The following PRAG1 variants were observed in gnomAD, a reference collection of about 807,000 sequenced individuals.
PRAG1 encodes PEAK1 related, kinase-activating pseudokinase 1.
PRAG1 carries 110 observed loss-of-function variants against 95.6 expected under a neutral mutation model. The observed-to-expected ratio is 1.15, with a 90% confidence interval of 0.99 to 1.35. The LOEUF is 1.35. PRAG1 is among the 40% of genes most tolerant of loss of function. The pLI, the probability that PRAG1 is intolerant of heterozygous loss-of-function variation, is 0.00. For synonymous variants in PRAG1, 1,052 were observed against 819.4 expected, an observed-to-expected ratio of 1.28 and a Z score of -4.85; for missense variants, 2,554 against 1,864.7, an observed-to-expected ratio of 1.37 and a Z score of -6.81.
intron 3 of PRAG1, among the ~76,000 whole-genome samples, chr8:8,356,887 G>A (rs892831187): frequency 6.6e-6 from 1 of 152,020 alleles, no homozygotes; most frequent in African/African-American, 2.4e-5. Flanking sequence ...TCATGTATAC[G>A]GTCAAATGAT....
intron 3 of PRAG1, among the ~76,000 whole-genome samples, chr8:8,347,857 C>A (rs1394910492): frequency 1.3e-5 from 2 of 148,588 alleles, no homozygotes; most frequent in Non-Finnish European, 2.9e-5. Flanking sequence ...CACTCTGTCA[C>A]CCAGGCTGGA....
intron 3 of PRAG1, among the ~76,000 whole-genome samples, chr8:8,365,892 A>ATCTCTTGAT (rs1799986959): frequency 6.6e-6 from 1 of 151,952 alleles, no homozygotes; most frequent in African/African-American, 2.4e-5. Flanking sequence ...AGGCAGGAGA[A>ATCTCTTGAT]TCTCTTGAAC....
chr8:8,377,959 A>G lies in PRAG1; in HGVS notation c.450T>C (p.Asp150=), dbSNP rs368262614. 181 of 1,613,726 alleles carry G rather than the reference A, an allele frequency of 1.1e-4. No individual in the cohort carries two copies. Among genetic ancestry groups the G allele is most frequent in the Non-Finnish European group, 1.4e-4 (164 of 1,179,958 alleles). ...AAGCTGGGGGACAGCGAGAATTGCC[A>G]TCAGGGGAGGTAGAGGGACCAGCAG... ...QKPAGPSTSP[D]GNSRCPPAYT... Residue 150 remains aspartate (D), a synonymous_variant, in exon 3 of 6, where the codon GAT becomes GAC. Transcript: ENST00000615670.
At chr8:8,342,727 G>A (rs1183600940) in intron 3 of PRAG1, among the ~76,000 whole-genome samples, 1 of 152,048 alleles carries the variant, frequency 6.6e-6, no homozygotes, top group Admixed American at 6.6e-5. Context: ...AAGAAAAAAA[G>A]AAAGTAGAGC....
At chr8:8,340,585 T>A (rs1021759823) in intron 3 of PRAG1, among the ~76,000 whole-genome samples, 2 of 152,278 alleles carry the variant, frequency 1.3e-5, no homozygotes, top group Admixed American at 1.3e-4. Context: ...ATGGGAAATA[T>A]ACAGTACAGT....
intron 2 of PRAG1, among the ~76,000 whole-genome samples, chr8:8,380,047 G>A (rs2116945259): frequency 6.6e-6 from 1 of 150,880 alleles, no homozygotes; most frequent in South Asian, 2.1e-4. Flanking sequence ...TTGAGACCAG[G>A]AACTTAAGAC....
chr8:8,318,943 C>G lies in PRAG1; in HGVS notation c.3432G>C (p.Arg1144=), dbSNP rs1435510926. 39 of 1,612,386 alleles carry G rather than the reference C, an allele frequency of 2.4e-5. No individual in the cohort carries two copies. The highest frequency in any genetic ancestry group is 3.3e-5 in the Non-Finnish European group (39 of 1,179,558). ...EHLKEHGIIH[R]DLCLENLLLV... is the part of the protein sequence containing the mutation. ...GCAGCAGGTTCTCCAGGCACAGGTC[C>G]CGGTGGATGATCCCGTGCTCCTTCA... Residue 1144 remains arginine, a synonymous_variant, in exon 6 of 6, where the codon CGG becomes CGC. Coordinates refer to ENST00000615670, the MANE Select transcript of PRAG1 (RefSeq NM_001080826.3). The surrounding 1 kb of genome is among the most constrained non-coding windows in gnomAD (Gnocchi z 4.2).
intron 3 of PRAG1, among the ~76,000 whole-genome samples, chr8:8,364,667 G>GT (rs1022913227): frequency 2.1e-3 from 293 of 141,970 alleles, no homozygotes; most frequent in Middle Eastern, 0.017. Context: ...TTTCAATGTT[G>GT]TTTTTTTTTT....
At chr8:8,369,768 A>G (rs896166772) in intron 3 of PRAG1, among the ~76,000 whole-genome samples, 18 of 151,604 alleles carry the variant, frequency 1.2e-4, no homozygotes, top group African/African-American at 4.4e-4. Context: ...GACACAGTTA[A>G]GGGAGAGGAC....
At position 8,318,149 on chromosome 8, in the gene PRAG1, T is replaced by C; in HGVS notation, c.*5A>G. On this transcript the variant is annotated 3_prime_UTR_variant, in exon 6 of 6. Transcript: ENST00000615670. This position sits in a 1 kb window ranked among gnomAD's most constrained non-coding sequence, Gnocchi z 4.2. ...GGGCAGCGACGGTGCAGGCTGGGGC[T>C]TGGCTCACAGAAGCTGCAGGAGCTT... 6.2e-7 allele frequency: 1 copy of C among 1,609,564 alleles called. No individual in the cohort carries two copies. Among genetic ancestry groups the C allele is most frequent in the Non-Finnish European group, 8.5e-7 (1 of 1,177,674 alleles).
intron 4 of PRAG1, among the ~76,000 whole-genome samples, chr8:8,339,077 TACATGC>T (rs1799081731): frequency 6.6e-6 from 1 of 151,816 alleles, no homozygotes; most frequent in East Asian, 1.9e-4. Context: ...TACATGTGGG[TACATGC>T]ACATGTAGAT....
At chr8:8,347,942 C>G (rs1563240116) in intron 3 of PRAG1, among the ~76,000 whole-genome samples, 2 of 151,692 alleles carry the variant, frequency 1.3e-5, no homozygotes, top group East Asian at 3.9e-4. Flanking sequence ...TCTCAGCTCA[C>G]TACAACCTCT....
chr8:8,382,918 G>C (rs545059009), intron 1 of PRAG1, among the ~76,000 whole-genome samples: 5 of 152,338 alleles, frequency 3.3e-5, no homozygotes, highest in African/African-American at 7.2e-5. Context: ...CCTCCCTGCA[G>C]TGGTGATTTG....
chr8:8,334,983 A>G (rs569725398), intron 4 of PRAG1, among the ~76,000 whole-genome samples: 1 of 151,800 alleles, frequency 6.6e-6, no homozygotes, highest in Non-Finnish European at 1.5e-5. Context: ...AGGCAGGAGA[A>G]TTGTTTGAAC....
intron 3 of PRAG1, among the ~76,000 whole-genome samples, chr8:8,347,817 CT>C (rs34740023): frequency 0.034 from 5,011 of 145,908 alleles, 343 homozygotes; most frequent in African/African-American, 0.12. Flanking sequence ...CAATTCACAT[CT>C]TTTTTTTTTA....
At chr8:8,331,033 G>A (rs189260018) in intron 4 of PRAG1, among the ~76,000 whole-genome samples, 395 of 152,244 alleles carry the variant, frequency 2.6e-3, no homozygotes, top group African/African-American at 8.8e-3. Context: ...CCAGCGAGGC[G>A]TCTGATTCTC....
At position 8,318,905 on chromosome 8, in the gene PRAG1, G is replaced by A; in HGVS notation, c.3470C>T (p.Thr1157Ile). 2.5e-6 allele frequency: 4 copies of A among 1,602,258 alleles called. No individual in the cohort carries two copies. The highest frequency in any genetic ancestry group is 3.4e-6 in the Non-Finnish European group (4 of 1,174,792). Residue 1157 changes from threonine to isoleucine, a missense_variant, in exon 6 of 6, where the codon ACC becomes ATC. By Grantham distance (89) the Thr-to-Ile change is moderately conservative. Coordinates refer to ENST00000615670, the MANE Select transcript of PRAG1 (RefSeq NM_001080826.3). The surrounding 1 kb of genome is among the most constrained non-coding windows in gnomAD (Gnocchi z 4.2). ...CLENLLLVHC[T>I]LQAGPGPAPA... ...GGCGGGCCCGGGGCCGGCCTGGAGG[G>A]TGCAGTGCACCAGCAGCAGGTTCTC...
Position 8,318,471 on chromosome 8 carries a change from G to A in PRAG1, c.3904C>T (p.Gln1302Ter). The A allele has an allele frequency of 6.2e-7, 1 of 1,612,258 alleles. No homozygotes were observed. The highest frequency in any genetic ancestry group is 8.5e-7 in the Non-Finnish European group (1 of 1,179,804). The change falls in exon 6 of 6, where the codon CAG becomes TAG. Residue 1302 changes from glutamine to a stop codon, truncating the protein, a stop_gained. Transcript: ENST00000615670. LOFTEE classifies it high-confidence loss of function. The surrounding 1 kb of genome is among the most constrained non-coding windows in gnomAD (Gnocchi z 4.2). ...GCCTCCAGTAGCAGATGTGCCAGCT[G>A]CTGCAGGCCGGGTGAGTAGAGGGAC... ...ALSLYSPGLQ[Q>*]LAHLLLEADP...
chr8:8,365,736 G>T (rs1165393018), intron 3 of PRAG1, among the ~76,000 whole-genome samples: 18 of 152,070 alleles, frequency 1.2e-4, no homozygotes, highest in Admixed American at 1.2e-3. Flanking sequence ...GCCAAGGAGG[G>T]TGGATCACCT....
Sources: gnomAD v4.1 joint callset for allele counts (sites outside exome capture counted in the v4.1 genomes callset) on GRCh38, gnomAD v4.1.1 for gene constraint, Gnocchi (gnomAD v3.1) non-coding constraint, MANE v1.5 for transcripts, NCBI Gene and HGNC (gene_info 2026-07-23, HGNC 2026-07-21) for gene names.